The following PKD1L1 variants were observed in gnomAD, a reference collection of about 807,000 sequenced individuals.
PKD1L1 encodes the protein polycystin 1 like 1, transient receptor potential channel interacting, also known as polycystin-1-like protein 1.
Under a neutral mutation model 323.4 loss-of-function variants are expected in PKD1L1, and 236 were observed. That is an observed-to-expected ratio of 0.73 (90% CI 0.66 to 0.81). PKD1L1 has a LOEUF of 0.81. PKD1L1 is among the 40% of genes least tolerant of loss of function. The pLI is 0.00. For synonymous variants in PKD1L1, 1,344 were observed against 1,335.0 expected (o/e 1.01, Z -0.15); for missense variants, 3,320 against 3,508.0 (o/e 0.95, Z 1.35).
chr7:47,786,238 C>CG (rs1786804211), intron 56 of PKD1L1, among the ~76,000 whole-genome samples: 2 of 152,106 alleles, frequency 1.3e-5, no homozygotes, highest in Non-Finnish European at 2.9e-5. Flanking sequence ...TCACCTGTGA[C>CG]GGGGGCTACG....
At chr7:47,819,479 C>T (rs751763560) in intron 46 of PKD1L1, 2 of 1,235,006 alleles carry the variant, frequency 1.6e-6, no homozygotes, top group Non-Finnish European at 2.1e-6. Context: ...CATTGAGGAC[C>T]CAAATTATCA....
At chr7:47,787,228 A>G (rs759064734) in intron 56 of PKD1L1, among the ~76,000 whole-genome samples, 12 of 152,282 alleles carry the variant, frequency 7.9e-5, no homozygotes, top group Middle Eastern at 3.4e-3. Flanking sequence ...AGCTAAACTC[A>G]TGTTGCAGAA....
intron 26 of PKD1L1, among the ~76,000 whole-genome samples, chr7:47,864,277 G>A (rs1303580832): frequency 6.6e-6 from 1 of 152,164 alleles, no homozygotes; most frequent in African/African-American, 2.4e-5. Context: ...TCCTTCTGTG[G>A]TGACAGAGCA....
intron 46 of PKD1L1, among the ~76,000 whole-genome samples, chr7:47,815,913 AT>A (rs1785007730): frequency 2.0e-5 from 3 of 152,028 alleles, no homozygotes; most frequent in Admixed American, 6.5e-5. Context: ...TCAAGCAGCC[AT>A]GGAAGCTTCA....
chr7:47,821,270 T>C (rs1160692116), intron 45 of PKD1L1, 84 bp from the exon 46 acceptor site: 8 of 709,354 alleles, frequency 1.1e-5, no homozygotes, highest in Non-Finnish European at 1.8e-5. Context: ...AGATTTATTA[T>C]TATTATTATT....
chr7:47,875,839 G>GA (rs1382538467), intron 23 of PKD1L1, among the ~76,000 whole-genome samples: 1 of 151,986 alleles, frequency 6.6e-6, no homozygotes, highest in East Asian at 1.9e-4. Flanking sequence ...ATTTATATAT[G>GA]AAAAAACATT....
Position 47,933,988 on chromosome 7 carries a change from G to A in PKD1L1, c.399-1932C>T, listed in dbSNP as rs1029102341. Among the ~76,000 whole-genome samples the A allele has an allele frequency of 6.6e-5, 10 of 152,304 alleles. No individual in the cohort carries two copies. In the South Asian group the frequency reaches 1.0e-3, roughly 16 times the overall value. On this transcript the variant is annotated intron_variant, in intron 4 of 56. Transcript: ENST00000289672. ...TTCGGTCCAGACTGGGACTCCTTTT[G>A]TCTTCTTGGCTTCCCCTGGACTGGT...
In PKD1L1 at chr7:47,876,182, G is replaced by A. The variant is rs938160090; in HGVS notation, c.3699C>T (p.Asn1233=). 4.3e-6 allele frequency: 7 copies of A among 1,613,980 alleles called. No homozygotes were observed. The highest frequency in any genetic ancestry group is 5.1e-6 in the Non-Finnish European group (6 of 1,179,972). The change falls in exon 23 of 57, where the codon AAC becomes AAT. Residue 1233 remains asparagine, a synonymous_variant. Transcript: ENST00000289672. ...CATGGTACAAAGTGTGTTTGGAGGTGTTTCCTATCTGGTAACTAAATTCAT... is the reference window on the plus strand; with the variant it reads ...CATGGTACAAAGTGTGTTTGGAGGTATTTCCTATCTGGTAACTAAATTCAT... ...FHYEFSYQIG[N]TSKHTLYHGR...
At chr7:47,866,344 T>G in intron 25 of PKD1L1, 75 bp downstream of exon 25, 2 of 1,482,042 alleles carry the variant, frequency 1.3e-6, no homozygotes, top group Non-Finnish European at 9.2e-7. Context: ...CACTTGCTAG[T>G]GAGCCAGCCA....
chr7:47,960,377 T>TAAAAAAAAAAAAAAAAAAAAAAATAAAA, the PKD1L1 span, among the ~76,000 whole-genome samples: 1 of 89,530 alleles, frequency 1.1e-5, no homozygotes, highest in South Asian at 3.8e-4. Context: ...AAAAAAAAAT[T>TAAAAAAAAAAAAAAAAAAAAAAATAAAA]AAAAAAAAAA....
At chr7:47,791,198 T>C (rs997809329) in intron 56 of PKD1L1, among the ~76,000 whole-genome samples, 2 of 152,194 alleles carry the variant, frequency 1.3e-5, no homozygotes, top group African/African-American at 4.8e-5. Context: ...AGACACTAAT[T>C]ATAGATACCC....
At chr7:47,823,374 T>C (rs1366818758) in intron 45 of PKD1L1, among the ~76,000 whole-genome samples, 1 of 152,186 alleles carries the variant, frequency 6.6e-6, no homozygotes, top group Non-Finnish European at 1.5e-5. Flanking sequence ...TATGGTGAAT[T>C]ACATTAATTA....
Position 47,849,544 on chromosome 7 carries a change from CA to C in PKD1L1, c.4961-2474del, listed in dbSNP as rs199950889. Reference sequence around the variant, plus strand: ...ATCAAAAAGTGGGCAAGGACCTGAACAGACAATTCTCAAAAGAAGATATGTA... The same window carrying C: ...ATCAAAAAGTGGGCAAGGACCTGAACGACAATTCTCAAAAGAAGATATGTA... On this transcript the variant is annotated intron_variant, in intron 31 of 56. Transcript: ENST00000289672. Among the ~76,000 whole-genome samples, 246 of 152,214 alleles carry C rather than the reference CA, an allele frequency of 1.6e-3. 3 individuals carry two copies. The highest frequency in any genetic ancestry group is 5.8e-3 in the African/African-American group (242 of 41,536).
rs138494625 is a variant in PKD1L1 at position 47,839,578 on chromosome 7, G to A, written c.5637C>T (p.His1879=). The A allele has an allele frequency of 8.7e-6, 14 of 1,602,906 alleles. No homozygotes were observed. In the African/African-American group the frequency reaches 1.2e-4, roughly 14 times the overall value. ...CCGTGTGCAGCTCCTTCACCATCAC[G>A]TGGCTGATGAACCAGCCTGGGGAAG... ...RGPSPGWFIS[H]VMVKELHTGQ... Residue 1879 remains histidine, a synonymous_variant, in exon 36 of 57, where the codon CAC becomes CAT. Coordinates refer to ENST00000289672, the MANE Select transcript of PKD1L1 (RefSeq NM_138295.5). The surrounding 1 kb of genome is among the most constrained non-coding windows in gnomAD (Gnocchi z 4.3).
intron 13 of PKD1L1, 46 bp from the exon 14 acceptor site, chr7:47,898,240 TC>T: frequency 2.0e-6 from 3 of 1,477,312 alleles, no homozygotes; most frequent in South Asian, 1.2e-5. Flanking sequence ...GTCCATCACA[TC>T]TAATGTACTG....
chr7:47,875,988 T>C, intron 23 of PKD1L1, 109 bp downstream of exon 23: 2 of 1,240,276 alleles, frequency 1.6e-6, no homozygotes, highest in South Asian at 1.6e-5. Flanking sequence ...ATTAAACTGA[T>C]CAAGGTGATT....
chr7:47,893,346 A>T (rs146647484), intron 15 of PKD1L1, among the ~76,000 whole-genome samples: 2,547 of 151,718 alleles, frequency 0.017, 77 homozygotes, highest in African/African-American at 0.058. Flanking sequence ...GGGTGTCCAG[A>T]GGGGGCGCTG....
At chr7:47,872,808 A>G (rs976176431) in intron 24 of PKD1L1, among the ~76,000 whole-genome samples, 4 of 152,226 alleles carry the variant, frequency 2.6e-5, no homozygotes, top group Admixed American at 6.5e-5. Context: ...TTCCATTCCT[A>G]GTTACCTACC....
intron 48 of PKD1L1, chr7:47,813,563 A>G: frequency 1.5e-6 from 1 of 674,908 alleles, no homozygotes; most frequent in Non-Finnish European, 2.7e-6. Context: ...CCATCATGAG[A>G]TGCCAGGTAA....
Sources: allele counts gnomAD v4.1 joint callset (sites outside exome capture counted in the v4.1 genomes callset), GRCh38; gene constraint gnomAD v4.1.1; non-coding constraint Gnocchi (gnomAD v3.1); transcripts MANE v1.5; gene names NCBI Gene and HGNC (gene_info 2026-07-23, HGNC 2026-07-21).